The following MELK variants were observed in gnomAD, a reference collection of about 807,000 sequenced individuals.
MELK encodes the protein maternal embryonic leucine zipper kinase, also known as pEg3 kinase.
MELK carries 81 observed loss-of-function variants against 85.0 expected under a neutral mutation model. That is an observed-to-expected ratio of 0.95 (90% confidence interval 0.80 to 1.15). The LOEUF (loss-of-function observed/expected upper bound fraction) is 1.15, where lower values mean the gene tolerates loss of function less well. Ranked by LOEUF, MELK falls within the 50% of genes most tolerant of loss-of-function variation. The pLI is 0.00. For synonymous variants in MELK, 252 were observed against 265.0 expected (o/e 0.95, Z 0.48); for missense variants, 754 against 777.5 (o/e 0.97, Z 0.36).
At chr9:36,631,329 C>T (rs1286849507) in intron 9 of MELK, among the ~76,000 whole-genome samples, 4 of 151,946 alleles carry the variant, frequency 2.6e-5, no homozygotes, top group Non-Finnish European at 5.9e-5. Flanking sequence ...GCGATCTTGG[C>T]TCACCACAAC....
intron 11 of MELK, among the ~76,000 whole-genome samples, chr9:36,646,461 T>A (rs1326036295): frequency 6.6e-6 from 1 of 152,204 alleles, no homozygotes; most frequent in African/African-American, 2.4e-5. Context: ...CACTTTTATA[T>A]TATATACAGG....
chr9:36,661,805 C>T (rs1831843702), intron 13 of MELK, among the ~76,000 whole-genome samples: 2 of 151,846 alleles, frequency 1.3e-5, no homozygotes, highest in African/African-American at 4.8e-5. Flanking sequence ...GGCATGGTGG[C>T]GGGCACCTCT....
chr9:36,665,300 ATTG>A, intron 13 of MELK, 47 bp from the exon 14 acceptor site: 1 of 1,154,916 alleles, frequency 8.7e-7, no homozygotes, highest in Non-Finnish European at 1.3e-6. Context: ...TTGTAAAGAA[ATTG>A]ACTTTTCTTC....
chr9:36,613,295 C>T (rs1826229528), intron 8 of MELK, among the ~76,000 whole-genome samples: 1 of 152,178 alleles, frequency 6.6e-6, no homozygotes, highest in Non-Finnish European at 1.5e-5. Context: ...TTTATGTGTT[C>T]ATTTGTTTGT....
At chr9:36,658,883 A>ATT (rs537014195) in intron 13 of MELK, among the ~76,000 whole-genome samples, 28 of 95,834 alleles carry the variant, frequency 2.9e-4, no homozygotes, top group South Asian at 6.6e-4. Context: ...TTTTTTTTCT[A>ATT]TTTTTTTTTT....
At chr9:36,626,939 C>T (rs1230089109) in intron 8 of MELK, among the ~76,000 whole-genome samples, 1 of 131,444 alleles carries the variant, frequency 7.6e-6, no homozygotes, top group Non-Finnish European at 1.6e-5. Context: ...GCCTGGGCAA[C>T]AAGAGTGAAA....
At chr9:36,637,529 A>G (rs965232609) in intron 10 of MELK, among the ~76,000 whole-genome samples, 7 of 152,232 alleles carry the variant, frequency 4.6e-5, no homozygotes, top group African/African-American at 9.6e-5. Flanking sequence ...AAATAGAAGT[A>G]TTTTAATAGT....
intron 5 of MELK, among the ~76,000 whole-genome samples, chr9:36,595,906 C>T (rs1465493551): frequency 2.0e-5 from 3 of 152,102 alleles, no homozygotes; most frequent in Admixed American, 2.0e-4. Context: ...ACCTCTGCCT[C>T]TCAGGTTAAG....
In MELK at chr9:36,661,230, C is replaced by G. The variant is rs529827953; in HGVS notation, c.1176+3867C>G. ...AGAATGGGGATAGGTAGGGCAAATTCAAACACCTCAAACTCACTGTTTCTA... is the reference window on the plus strand; with the variant it reads ...AGAATGGGGATAGGTAGGGCAAATTGAAACACCTCAAACTCACTGTTTCTA... On this transcript the variant is annotated intron_variant, in intron 13 of 17. Transcript: ENST00000298048. 2.6e-5 allele frequency among the ~76,000 whole-genome samples: 4 copies of G among 152,260 alleles called. No individual in the cohort carries two copies. In the South Asian group the frequency reaches 8.3e-4, roughly 32 times the overall value.
intron 11 of MELK, 66 bp downstream of exon 11, chr9:36,643,149 G>A (rs1829913775): frequency 9.9e-6 from 13 of 1,307,826 alleles, no homozygotes; most frequent in South Asian, 3.9e-5. Context: ...TTGGGAGGCC[G>A]AGGTGGGAGG....
At chr9:36,635,394 G>T (rs537904633) in intron 10 of MELK, among the ~76,000 whole-genome samples, 1 of 152,112 alleles carries the variant, frequency 6.6e-6, no homozygotes, top group East Asian at 1.9e-4. Context: ...CACCCGATTA[G>T]TTGGGATTAC....
At chr9:36,615,383 C>G (rs1185895890) in intron 8 of MELK, among the ~76,000 whole-genome samples, 3 of 132,856 alleles carry the variant, frequency 2.3e-5, no homozygotes, top group Non-Finnish European at 4.7e-5. Flanking sequence ...CACGGCTGGC[C>G]GGGCGGGGGG....
chr9:36,665,594 T>G lies in MELK; in HGVS notation c.1408+13T>G. The G allele has an allele frequency of 6.3e-7, 1 of 1,577,290 alleles. No homozygotes were observed. The highest frequency in any genetic ancestry group is 8.7e-7 in the Non-Finnish European group (1 of 1,153,842). ...ACACCCTCAAAAGGTATTTGCTAAG[T>G]GAATTAAGCAGTAAGAAGTTTCATT... On this transcript the variant is annotated intron_variant, in intron 14 of 17. Transcript: ENST00000298048.
intron 7 of MELK, 145 bp from the exon 8 acceptor site, chr9:36,607,430 T>A (rs1180483791): frequency 4.7e-6 from 3 of 637,102 alleles, no homozygotes; most frequent in Non-Finnish European, 8.1e-6. Flanking sequence ...GTTCTCTGAC[T>A]ATAGAATAAG....
chr9:36,605,231 T>C (rs1021599986), intron 7 of MELK, among the ~76,000 whole-genome samples: 13 of 151,286 alleles, frequency 8.6e-5, no homozygotes, highest in African/African-American at 3.2e-4. Flanking sequence ...TTTTTTGAGA[T>C]GGAGTCTCGC....
rs190225290 is a variant in MELK, at chr9:36,667,989, G to A, written c.1409-1321G>A. 2.0e-4 allele frequency among the ~76,000 whole-genome samples: 30 copies of A among 152,140 alleles called. No individual in the cohort carries two copies. In the East Asian group the frequency reaches 5.0e-3, roughly 26 times the overall value. On this transcript the variant is annotated intron_variant, in intron 14 of 17. Coordinates refer to ENST00000298048, the MANE Select transcript of MELK (RefSeq NM_014791.4). ...TCAACATGTTGGGCAGGCTGCTCTC[G>A]AAACTCTTGACCTCAGGTGATCCAC...
chr9:36,633,093 G>C lies in MELK; in HGVS notation c.736-9G>C. 1.3e-6 allele frequency: 2 copies of C among 1,582,840 alleles called. No homozygotes were observed. Among genetic ancestry groups the C allele is most frequent in the South Asian group, 2.3e-5 (2 of 86,796 alleles). ...TGTTAATCTCTAGCTACTTTTTAAT[G>C]GCCACTAGGTGGACCCAAAGAAACG... On this transcript the variant is annotated splice_polypyrimidine_tract_variant and intron_variant, in intron 9 of 17. Coordinates refer to ENST00000298048, the MANE Select transcript of MELK (RefSeq NM_014791.4).
At chr9:36,577,826 T>A (rs990299316) in intron 1 of MELK, among the ~76,000 whole-genome samples, 1 of 151,922 alleles carries the variant, frequency 6.6e-6, no homozygotes, top group Admixed American at 6.6e-5. Context: ...TAATTTTTTA[T>A]ATTTTTAGTA....
chr9:36,632,148 T>A (rs1204882863), intron 9 of MELK, among the ~76,000 whole-genome samples: 1 of 152,218 alleles, frequency 6.6e-6, no homozygotes, highest in African/African-American at 2.4e-5. Context: ...TGTAATTCAA[T>A]AGATCTGAGG....
Sources: gnomAD v4.1 joint callset for allele counts (sites outside exome capture counted in the v4.1 genomes callset) on GRCh38, gnomAD v4.1.1 for gene constraint, MANE v1.5 for transcripts, NCBI Gene and HGNC (gene_info 2026-07-23, HGNC 2026-07-21) for gene names.